Variants in LTBP1 observed in about 807,000 individuals in gnomAD.
LTBP1 encodes latent transforming growth factor beta binding protein 1, also known as latent-transforming growth factor beta-binding protein 1.
A neutral mutation model predicts 207.6 loss-of-function variants in LTBP1; 129 were observed. The observed-to-expected ratio is 0.62, with a 90% CI of 0.54 to 0.72. The LOEUF (loss-of-function observed/expected upper bound fraction) is 0.72. Among genes scored for constraint, LTBP1 ranks in the 30% least tolerant of loss-of-function variants. LTBP1 has a pLI of 0.00. For missense variants in LTBP1, 2,281 were observed against 2,217.2 expected (o/e 1.03, Z -0.58); for synonymous variants, 963 against 833.7 (o/e 1.16, Z -2.67).
intron 5 of LTBP1, among the ~76,000 whole-genome samples, chr2:33,182,420 T>C (rs532893130): frequency 6.6e-6 from 1 of 152,044 alleles, no homozygotes; most frequent in South Asian, 2.1e-4. Context: ...CTCAGCACTT[T>C]GGGAGGCCGA....
intron 24 of LTBP1, among the ~76,000 whole-genome samples, chr2:33,322,413 A>G (rs1186013909): frequency 6.6e-6 from 1 of 152,194 alleles, no homozygotes; most frequent in Non-Finnish European, 1.5e-5. Context: ...TTTGTACTTG[A>G]GACCTAAACT....
chr2:33,293,091 A>C, intron 19 of LTBP1, 69 bp from the exon 20 acceptor site: 10 of 1,520,082 alleles, frequency 6.6e-6, no homozygotes, highest in Non-Finnish European at 8.0e-6. Context: ...ATTTCTAACC[A>C]AATTTAACTT....
rs3047195 is a variant in LTBP1, at chr2:33,019,874, A to AT, written c.566-1016dup. Among the ~76,000 whole-genome samples, 949 of 135,024 alleles carry AT rather than the reference A, an allele frequency of 7.0e-3. 4 individuals are homozygous for AT. The highest frequency in any genetic ancestry group is 0.019 in the East Asian group (88 of 4,594). The allele number at this position is 135,024 out of a possible 152,430, so 88.6% of individuals were successfully genotyped here. A position where few individuals can be genotyped will look rare whatever the true frequency, so the allele number is the denominator to read the frequency against. ...CGTGCCACCATGCCCAGCTAATTAAATTTTTTTTTTTTTTTTTTTGGTAGA... is the reference window on the plus strand; with the variant it reads ...CGTGCCACCATGCCCAGCTAATTAAATTTTTTTTTTTTTTTTTTTTGGTAGA... On this transcript the variant is annotated intron_variant, in intron 2 of 33. Transcript: ENST00000404816.
At chr2:33,145,675 G>A (rs932363254) in intron 5 of LTBP1, among the ~76,000 whole-genome samples, 1 of 152,100 alleles carries the variant, frequency 6.6e-6, no homozygotes, top group Non-Finnish European at 1.5e-5. Context: ...TACACAGAGG[G>A]TAATTAGAAA....
At chr2:33,091,700 G>A (rs767931080) in intron 3 of LTBP1, among the ~76,000 whole-genome samples, 4 of 152,114 alleles carry the variant, frequency 2.6e-5, no homozygotes, top group South Asian at 2.1e-4. Context: ...ACTTGGTGCC[G>A]AATCCTCTGA....
intron 31 of LTBP1, among the ~76,000 whole-genome samples, chr2:33,380,596 A>C (rs1158034837): frequency 6.6e-6 from 1 of 152,166 alleles, no homozygotes; most frequent in East Asian, 1.9e-4. Flanking sequence ...TTTTCTGTTT[A>C]AAATCATAGA....
chr2:33,279,912 C>A (rs147041037), intron 18 of LTBP1, 127 bp from the exon 19 acceptor site: 448 of 922,848 alleles, frequency 4.9e-4, no homozygotes, highest in Middle Eastern at 1.0e-3. Flanking sequence ...GTCTCACTTA[C>A]CCAATTATTG....
intron 3 of LTBP1, among the ~76,000 whole-genome samples, chr2:33,027,047 T>C (rs2075450766): frequency 6.6e-6 from 1 of 152,178 alleles, no homozygotes; most frequent in Non-Finnish European, 1.5e-5. Flanking sequence ...TTTCACTCAG[T>C]GTTATGTCTG....
At chr2:33,218,970 T>C (rs75575395) in intron 8 of LTBP1, among the ~76,000 whole-genome samples, 4,690 of 152,344 alleles carry the variant, frequency 0.031, 100 homozygotes, top group Middle Eastern at 0.14. Context: ...GGATTTGCCA[T>C]CTGGGCATTA....
intron 7 of LTBP1, among the ~76,000 whole-genome samples, chr2:33,206,512 G>A (rs1314799856): frequency 2.6e-5 from 4 of 152,032 alleles, no homozygotes; most frequent in South Asian, 2.1e-4. Flanking sequence ...AGGCCGAGGC[G>A]GGCGGATCAC....
chr2:33,368,979 A>T (rs1559079147), intron 31 of LTBP1, among the ~76,000 whole-genome samples: 1 of 152,196 alleles, frequency 6.6e-6, no homozygotes, highest in Admixed American at 6.5e-5. Flanking sequence ...TGAGAAATGA[A>T]TTTTTGAATA....
chr2:33,369,208 A>G (rs1295588327), intron 31 of LTBP1, among the ~76,000 whole-genome samples: 2 of 152,192 alleles, frequency 1.3e-5, no homozygotes, highest in African/African-American at 2.4e-5. Context: ...TAAAAAAAAA[A>G]GATTAGCTTC....
intron 4 of LTBP1, among the ~76,000 whole-genome samples, chr2:33,114,585 C>A (rs1329275919): frequency 6.6e-6 from 1 of 152,168 alleles, no homozygotes; most frequent in Non-Finnish European, 1.5e-5. Context: ...CAGAGCATGA[C>A]AATTCTCGGA....
Position 33,275,445 on chromosome 2 carries a change from GA to G in LTBP1, c.2870-355del, listed in dbSNP as rs367555446. 4.4e-3 allele frequency among the ~76,000 whole-genome samples: 667 copies of G among 152,284 alleles called. 3 individuals are homozygous for G. Among genetic ancestry groups the G allele is most frequent in the African/African-American group, 0.015 (643 of 41,558 alleles). On this transcript the variant is annotated intron_variant, in intron 17 of 33. Coordinates refer to ENST00000404816, the MANE Select transcript of LTBP1 (RefSeq NM_206943.4). The stretch of plus-strand genomic sequence containing the variant: ...CACACCTGTAATCCCAGCACTTTGG[GA>G]GGCCGAGCCTGGCGGATCACCTGAG...
At chr2:33,362,831 T>C (rs2094941992) in intron 28 of LTBP1, among the ~76,000 whole-genome samples, 1 of 152,164 alleles carries the variant, frequency 6.6e-6, no homozygotes, top group Non-Finnish European at 1.5e-5. Flanking sequence ...CTTCCTCTCT[T>C]ATTAGGTAGA....
At chr2:33,398,323 A>G (rs1385101894) in intron 33 of LTBP1, 41 bp from the exon 34 acceptor site, 2 of 1,587,466 alleles carry the variant, frequency 1.3e-6, no homozygotes, top group Non-Finnish European at 1.7e-6. Flanking sequence ...TCACAGAATA[A>G]TATCCAAGAT....
intron 18 of LTBP1, among the ~76,000 whole-genome samples, chr2:33,277,641 G>A (rs954158820): frequency 6.6e-6 from 1 of 151,646 alleles, no homozygotes; most frequent in Non-Finnish European, 1.5e-5. Context: ...TAGATCTCAA[G>A]CACCTCTGTA....
chr2:33,355,154 G>A (rs553389446), intron 26 of LTBP1, among the ~76,000 whole-genome samples: 42 of 151,914 alleles, frequency 2.8e-4, no homozygotes, highest in African/African-American at 8.2e-4. Context: ...CCCTCATGAC[G>A]CCCGAGTGTC....
At chr2:33,144,939 T>C (rs1572844125) in intron 5 of LTBP1, among the ~76,000 whole-genome samples, 1 of 152,220 alleles carries the variant, frequency 6.6e-6, no homozygotes, top group South Asian at 2.1e-4. Flanking sequence ...GTCAGCCACA[T>C]AGTCATCTTC....
Sources: allele counts gnomAD v4.1 joint callset (sites outside exome capture counted in the v4.1 genomes callset), GRCh38; gene constraint gnomAD v4.1.1; transcripts MANE v1.5; gene names NCBI Gene and HGNC (gene_info 2026-07-23, HGNC 2026-07-21).